NELL2: variants seen among roughly 807,000 people sequenced by gnomAD.
The protein encoded by NELL2 is neural EGFL like 2.
In NELL2, 41 loss-of-function variants were observed where a neutral mutation model predicts 109.6. The ratio of observed to expected loss-of-function variants is 0.37; its 90% CI spans 0.29 to 0.49. NELL2 has a LOEUF of 0.49. Ranked by LOEUF, NELL2 falls within the 20% of genes least tolerant of loss-of-function variation. The probability of loss-of-function intolerance (pLI) is 0.98; values close to 1 mark genes in which losing one functional copy is unlikely to be tolerated. For synonymous variants in NELL2, 355 were observed against 344.7 expected (o/e 1.03, Z -0.33); for missense variants, 900 against 1,008.3 (o/e 0.89, Z 1.45).
chr12:44,509,996 A>C (rs1293874209), intron 19 of NELL2, among the ~76,000 whole-genome samples: 2 of 152,106 alleles, frequency 1.3e-5, no homozygotes, highest in African/African-American at 4.8e-5. Context: ...GTGGTGATGA[A>C]ATAGGATAAA....
intron 15 of NELL2, among the ~76,000 whole-genome samples, chr12:44,553,240 G>GCA (rs1249374139): frequency 2.7e-5 from 4 of 146,152 alleles, no homozygotes; most frequent in Non-Finnish European, 6.0e-5. Flanking sequence ...TGCACAATGT[G>GCA]CACATGTACC....
chr12:44,802,982 G>A (rs1256460725), intron 3 of NELL2, among the ~76,000 whole-genome samples: 2 of 151,950 alleles, frequency 1.3e-5, no homozygotes, highest in Admixed American at 1.3e-4. Context: ...AAAATAATGA[G>A]GAACTTTTCA....
intron 9 of NELL2, among the ~76,000 whole-genome samples, chr12:44,760,574 C>G (rs928345354): frequency 2.6e-5 from 4 of 151,954 alleles, no homozygotes; most frequent in African/African-American, 9.7e-5. Context: ...TGAGATAAAT[C>G]CTAAAACCTA....
At chr12:44,775,077 A>G (rs1185634837) in intron 8 of NELL2, among the ~76,000 whole-genome samples, 3 of 152,214 alleles carry the variant, frequency 2.0e-5, no homozygotes, top group African/African-American at 7.2e-5. Context: ...GCTCCCAGGT[A>G]GCTGGCTGCT....
upstream of NELL2, among the ~76,000 whole-genome samples, chr12:44,914,356 A>T (rs773513475): frequency 1.3e-5 from 2 of 152,080 alleles, no homozygotes; most frequent in Non-Finnish European, 2.9e-5. Context: ...AGACCTTTAC[A>T]GTTGCTGTTC....
chr12:44,538,105 C>T (rs939893352), intron 15 of NELL2, among the ~76,000 whole-genome samples: 2 of 152,084 alleles, frequency 1.3e-5, no homozygotes, highest in East Asian at 3.9e-4. Context: ...ATATTCTTAT[C>T]CTTATGTCAT....
At chr12:44,845,223 T>C (rs1311162904) in intron 2 of NELL2, among the ~76,000 whole-genome samples, 6 of 152,218 alleles carry the variant, frequency 3.9e-5, no homozygotes, top group Admixed American at 2.0e-4. Flanking sequence ...CAAACAAGAC[T>C]TTCCCCATCA....
intron 15 of NELL2, among the ~76,000 whole-genome samples, chr12:44,582,274 T>C (rs1217547816): frequency 6.6e-6 from 1 of 152,072 alleles, no homozygotes; most frequent in Admixed American, 6.6e-5. Context: ...ATTTAAAGAG[T>C]GACCAGTCAG....
intron 15 of NELL2, among the ~76,000 whole-genome samples, chr12:44,554,034 T>C (rs1342666774): frequency 3.9e-5 from 6 of 152,176 alleles, no homozygotes; most frequent in South Asian, 2.1e-4. Flanking sequence ...ATTGCAGATA[T>C]CATGTACTGT....
intron 15 of NELL2, among the ~76,000 whole-genome samples, chr12:44,559,545 C>T (rs926109518): frequency 6.6e-6 from 1 of 152,078 alleles, no homozygotes. Context: ...TCTGATAAAA[C>T]CGACTTTAAA....
chr12:44,771,645 G>A (rs2136575539), intron 9 of NELL2, among the ~76,000 whole-genome samples: 1 of 152,236 alleles, frequency 6.6e-6, no homozygotes. Context: ...CTATTTTAAT[G>A]GTCCAGGCAG....
In NELL2 at chr12:44,876,250, G is replaced by T; in HGVS notation, c.-381C>A. 1 of 1,165,058 alleles carries T rather than the reference G, an allele frequency of 8.6e-7. No homozygotes were observed. Among genetic ancestry groups the T allele is most frequent in the Non-Finnish European group, 1.1e-6 (1 of 942,896 alleles). The allele number at this position is 1,165,058 out of a possible 1,614,324, so 72.2% of individuals were successfully genotyped here. ...GGGGGGCGGCCCCAAGAAAGCCCGG[G>T]CTGGGGCGGCCCCGCACCCCCCCGT... On this transcript the variant is annotated 5_prime_UTR_variant, in exon 1 of 20. Coordinates refer to ENST00000429094, the MANE Select transcript of NELL2 (RefSeq NM_001145108.2).
intron 2 of NELL2, among the ~76,000 whole-genome samples, chr12:44,845,562 A>T (rs1197526472): frequency 1.3e-5 from 2 of 152,204 alleles, no homozygotes; most frequent in Admixed American, 1.3e-4. Context: ...TTTCCATGAC[A>T]CTATTCTGTT....
At chr12:44,532,281 T>G (rs111735520) in intron 16 of NELL2, among the ~76,000 whole-genome samples, 38 of 152,308 alleles carry the variant, frequency 2.5e-4, no homozygotes, top group African/African-American at 8.9e-4. Flanking sequence ...GATGCTTGCA[T>G]GCTTTCGTTT....
At chr12:44,556,897 T>C (rs1239602595) in intron 15 of NELL2, among the ~76,000 whole-genome samples, 2 of 152,116 alleles carry the variant, frequency 1.3e-5, no homozygotes, top group African/African-American at 4.8e-5. Flanking sequence ...CAGGTGCATA[T>C]TTTTGTGAAG....
intron 15 of NELL2, among the ~76,000 whole-genome samples, chr12:44,554,561 T>C (rs1362382925): frequency 1.3e-5 from 2 of 152,220 alleles, no homozygotes; most frequent in African/African-American, 2.4e-5. Flanking sequence ...GTATAACATA[T>C]ATTAAAACTT....
At chr12:44,524,813 G>A (rs1941691922) in intron 16 of NELL2, among the ~76,000 whole-genome samples, 1 of 152,106 alleles carries the variant, frequency 6.6e-6, no homozygotes, top group Admixed American at 6.5e-5. Context: ...CGTAGACTAT[G>A]ATCAGAAAGA....
rs1237389906 is a variant in NELL2 at position 44,752,051 on chromosome 12, A to C, written c.994+22696T>G. ...TTCAAAGCCATCCTGGGCTGCATGC[A>C]GCCCGTGGGCCACAGGTTGGACAAG... is the stretch of plus-strand genomic sequence containing the variant. On this transcript the variant is annotated intron_variant, in intron 9 of 19. Coordinates refer to ENST00000429094, the MANE Select transcript of NELL2 (RefSeq NM_001145108.2). 2.6e-5 allele frequency among the ~76,000 whole-genome samples: 4 copies of C among 152,334 alleles called. No homozygotes were observed. In the East Asian group the frequency reaches 7.7e-4, roughly 29 times the overall value.
At chr12:44,645,027 G>A (rs1189503662) in intron 13 of NELL2, among the ~76,000 whole-genome samples, 2 of 152,040 alleles carry the variant, frequency 1.3e-5, no homozygotes, top group Non-Finnish European at 2.9e-5. Flanking sequence ...ATGGGTAAGA[G>A]CCAACTATGG....
Sources: allele counts gnomAD v4.1 joint callset (sites outside exome capture counted in the v4.1 genomes callset), GRCh38; gene constraint gnomAD v4.1.1; transcripts MANE v1.5; gene names NCBI Gene and HGNC (gene_info 2026-07-23, HGNC 2026-07-21).